The following UBN1 variants were observed in gnomAD, a reference collection of about 807,000 sequenced individuals.
UBN1 encodes ubinuclein-1.
A neutral mutation model predicts 108.5 loss-of-function variants in UBN1; 17 were observed. The observed-to-expected ratio is 0.16, with a 90% CI of 0.11 to 0.24. The LOEUF is 0.24. Ranked by LOEUF, UBN1 falls within the 10% of genes least tolerant of loss-of-function variation. The pLI is 1.00. For synonymous variants in UBN1, 726 were observed against 564.2 expected (o/e 1.29, Z -4.07); for missense variants, 1,595 against 1,394.4 (o/e 1.14, Z -2.29).
At chr16:4,849,615 G>A (rs1385474935) in intron 1 of UBN1, among the ~76,000 whole-genome samples, 1 of 146,938 alleles carries the variant, frequency 6.8e-6, no homozygotes, top group Admixed American at 6.6e-5. Flanking sequence ...GTTTGAGACG[G>A]AGTTTCACTC....
chr16:4,854,224 A>C (rs1433479683), intron 2 of UBN1, among the ~76,000 whole-genome samples: 1 of 149,668 alleles, frequency 6.7e-6, no homozygotes. Flanking sequence ...TAGTAGAGAC[A>C]GCGTTTCAAT....
At chr16:4,876,478 A>C (rs759903978) in intron 15 of UBN1, among the ~76,000 whole-genome samples, 8 of 152,044 alleles carry the variant, frequency 5.3e-5, no homozygotes, top group Non-Finnish European at 4.4e-5. Context: ...TACACATATA[A>C]ATATCCATGA....
At chr16:4,864,255 G>A (rs1567918919) in intron 7 of UBN1, among the ~76,000 whole-genome samples, 2 of 151,674 alleles carry the variant, frequency 1.3e-5, no homozygotes, top group African/African-American at 2.4e-5. Context: ...CCTGGCCTGT[G>A]TTCCTGTTTT....
intron 8 of UBN1, among the ~76,000 whole-genome samples, chr16:4,869,505 G>T (rs2087505573): frequency 6.6e-6 from 1 of 152,220 alleles, no homozygotes; most frequent in South Asian, 2.1e-4. Context: ...CTTTTCTCCT[G>T]GTTGCAGTTT....
intron 7 of UBN1, among the ~76,000 whole-genome samples, chr16:4,865,731 C>T (rs931045738): frequency 5.9e-5 from 9 of 151,968 alleles, no homozygotes; most frequent in South Asian, 4.1e-4. Context: ...GTGGCTGAGG[C>T]GGGCGGATCA....
At chr16:4,861,464 A>G (rs1358087417) in intron 7 of UBN1, among the ~76,000 whole-genome samples, 3 of 152,228 alleles carry the variant, frequency 2.0e-5, no homozygotes, top group Non-Finnish European at 4.4e-5. Flanking sequence ...ATTCTTACGA[A>G]GGTTTTGCAA....
intron 1 of UBN1, among the ~76,000 whole-genome samples, chr16:4,848,827 A>G (rs2086357868): frequency 6.6e-6 from 1 of 152,246 alleles, no homozygotes; most frequent in South Asian, 2.1e-4. Flanking sequence ...TTGGCCGGGC[A>G]GGGTGGTATA....
chr16:4,870,295 A>G lies in UBN1; in HGVS notation c.1265A>G (p.Lys422Arg), dbSNP rs760386957. Reference protein sequence around the residue: ...AYLASFLPCSKDALLKRARKL... With the variant: ...AYLASFLPCSRDALLKRARKL... ...CTTGCGTCATTCCTGCCCTGCAGCAAGGATGCCCTGCTCAAGCGTGCTCGG... is the reference window on the plus strand; with the variant it reads ...CTTGCGTCATTCCTGCCCTGCAGCAGGGATGCCCTGCTCAAGCGTGCTCGG... Residue 422 changes from lysine (K) to arginine (R), a missense_variant, in exon 9 of 18, where the codon AAG becomes AGG. Physicochemically the swap from Lys to Arg is conservative, Grantham distance 26 (BLOSUM62 2). This residue lies in a region of UBN1 where 1,398 missense variants were observed against 1,194.7 expected (regional missense o/e 1.17). Coordinates refer to ENST00000262376, the MANE Select transcript of UBN1 (RefSeq NM_001079514.3). 3 of 1,614,192 alleles carry G rather than the reference A, an allele frequency of 1.9e-6. No homozygotes were observed. The Admixed American group carries it at 5.0e-5, about 27-fold the overall frequency.
chr16:4,877,048 G>T lies in UBN1; in HGVS notation c.3202G>T (p.Val1068Phe). The T allele has an allele frequency of 6.2e-7, 1 of 1,614,184 alleles. No individual in the cohort carries two copies. Among genetic ancestry groups the T allele is most frequent in the South Asian group, 1.1e-5 (1 of 91,080 alleles). The change falls in exon 16 of 18, where the codon GTC becomes TTC. Residue 1068 changes from valine to phenylalanine, a missense_variant. Transcript: ENST00000262376. The surrounding 1 kb of genome is among the most constrained non-coding windows in gnomAD (Gnocchi z 4.3). ...CGCTGACTCCTCTGCCAAAGCAGGG[G>T]TCTCCAAGGATGCCATCGTCACAGG... ...FSADSSAKAG[V>F]SKDAIVTGPA... is the part of the protein sequence containing the mutation.
intron 5 of UBN1, 39 bp downstream of exon 5, chr16:4,859,198 T>C (rs991582576): frequency 2.5e-6 from 4 of 1,602,138 alleles, no homozygotes; most frequent in Non-Finnish European, 3.4e-6. Flanking sequence ...GAAATGCTTT[T>C]TGACGTGACC....
intron 1 of UBN1, among the ~76,000 whole-genome samples, chr16:4,850,897 C>G (rs552826718): frequency 2.0e-5 from 3 of 152,184 alleles, no homozygotes; most frequent in East Asian, 1.9e-4. Flanking sequence ...GCTGGAATGG[C>G]AAAGTATTAT....
chr16:4,859,248 T>A, intron 5 of UBN1, 89 bp downstream of exon 5: 1 of 1,530,188 alleles, frequency 6.5e-7, no homozygotes, highest in South Asian at 1.2e-5. Context: ...TACGTGGCGC[T>A]TGGCCGGCTC....
At chr16:4,849,536 A>G (rs2086432733) in intron 1 of UBN1, among the ~76,000 whole-genome samples, 1 of 152,068 alleles carries the variant, frequency 6.6e-6, no homozygotes, top group Non-Finnish European at 1.5e-5. Flanking sequence ...GGGACAAGGA[A>G]GGCTAGTATT....
At chr16:4,849,580 G>A (rs1056315220) in intron 1 of UBN1, among the ~76,000 whole-genome samples, 1 of 151,518 alleles carries the variant, frequency 6.6e-6, no homozygotes, top group African/African-American at 2.4e-5. Flanking sequence ...TTTTAAAGGG[G>A]GATCTTTGTT....
chr16:4,859,992 T>C, intron 6 of UBN1, 24 bp downstream of exon 6: 2 of 1,613,668 alleles, frequency 1.2e-6, no homozygotes, highest in Non-Finnish European at 1.7e-6. Flanking sequence ...GCTTCTTTGC[T>C]AGGATAAAGC....
rs2086637311 is a variant in UBN1 at position 4,853,222 on chromosome 16, T to C, written c.249+56T>C. ...GGTTTAACGCACAGGGGTCAGTGCA[T>C]GCATGTGGGGCTTCCGTAGCGGGGA... is the stretch of plus-strand genomic sequence containing the variant. On this transcript the variant is annotated intron_variant, in intron 2 of 17. Coordinates refer to ENST00000262376, the MANE Select transcript of UBN1 (RefSeq NM_001079514.3). 6.3e-6 allele frequency: 10 copies of C among 1,588,796 alleles called. No homozygotes were observed. The South Asian group carries it at 7.9e-5, about 13-fold the overall frequency.
chr16:4,876,997 A>G lies in UBN1; in HGVS notation c.3151A>G (p.Ile1051Val). The change falls in exon 16 of 18, where the codon ATT (isoleucine) becomes GTT (valine). Residue 1051 changes from isoleucine (I) to valine (V), a missense_variant. Around this residue, in one of 3 missense-constraint regions of UBN1, gnomAD observed 1,398 missense variants for 1,194.7 expected, o/e 1.17. Coordinates refer to ENST00000262376, the MANE Select transcript of UBN1 (RefSeq NM_001079514.3). Reference protein sequence around the residue: ...NSLGIITPVPIPVHVLSFSAD... With the variant: ...NSLGIITPVPVPVHVLSFSAD... ...CTTGGGAATTATAACCCCTGTCCCTATTCCTGTCCATGTGCTCTCCTTCAG... is the reference window on the plus strand; with the variant it reads ...CTTGGGAATTATAACCCCTGTCCCTGTTCCTGTCCATGTGCTCTCCTTCAG... The G allele has an allele frequency of 2.5e-6, 4 of 1,614,158 alleles. No homozygotes were observed. The highest frequency in any genetic ancestry group is 1.6e-4 in the Middle Eastern group (1 of 6,062).
chr16:4,860,859 G>A lies in UBN1; in HGVS notation c.867G>A (p.Leu289=). Residue 289 remains leucine, a synonymous_variant, in exon 7 of 18, where the codon TTG becomes TTA. Transcript: ENST00000262376. The part of the protein sequence containing the change: ...LRELEGASDP[L]LSLFGSTSDN... ...AACTGGAGGGTGCCTCTGACCCCTT[G>A]CTCTCACTCTTTGGCTCTACTTCTG... is the stretch of plus-strand genomic sequence containing the variant. The A allele has an allele frequency of 1.2e-6, 2 of 1,614,268 alleles. No individual in the cohort carries two copies. The highest frequency in any genetic ancestry group is 1.7e-6 in the Non-Finnish European group (2 of 1,180,046).
rs1567957329 is a variant in UBN1, at chr16:4,875,302, G to A, written c.2892G>A (p.Leu964=). The part of the protein sequence containing the change: ...AGKKMPVSQK[L]TLVAPPGGPN... ...AAAAAATGCCTGTTTCCCAGAAGTT[G>A]ACTCTGGTAGCCCCTCCAGGCGGTC... Residue 964 remains leucine (L), a synonymous_variant, in exon 15 of 18, where the codon TTG becomes TTA. Transcript: ENST00000262376. The A allele has an allele frequency of 6.2e-7, 1 of 1,614,230 alleles. No homozygotes were observed. The highest frequency in any genetic ancestry group is 8.5e-7 in the Non-Finnish European group (1 of 1,180,042).
Sources: gnomAD v4.1 joint callset for allele counts (sites outside exome capture counted in the v4.1 genomes callset) on GRCh38, gnomAD v4.1.1 for gene constraint, gnomAD v4.1.1 regional missense constraint, Gnocchi (gnomAD v3.1) non-coding constraint, MANE v1.5 for transcripts, NCBI Gene and HGNC (gene_info 2026-07-23, HGNC 2026-07-21) for gene names.